FNBP1: variants seen among roughly 807,000 people sequenced by gnomAD.
The protein encoded by FNBP1 is formin-binding protein 1.
Under a neutral mutation model 90.6 loss-of-function variants are expected in FNBP1, and 26 were observed. The ratio of observed to expected loss-of-function variants is 0.29; its 90% CI spans 0.21 to 0.40. FNBP1 has a LOEUF of 0.40. FNBP1 is among the 10% of genes least tolerant of loss of function. FNBP1 has a pLI of 1.00. For synonymous variants in FNBP1, 260 were observed against 265.2 expected, an observed-to-expected ratio of 0.98 and a Z score of 0.19; for missense variants, 635 against 768.0, an observed-to-expected ratio of 0.83 and a Z score of 2.05.
chr9:129,962,501 G>A (rs1319889208), intron 4 of FNBP1, among the ~76,000 whole-genome samples: 1 of 152,216 alleles, frequency 6.6e-6, no homozygotes, highest in East Asian at 1.9e-4. Context: ...TACCTCGTCA[G>A]AACCTAGGAT....
At chr9:129,898,455 G>C (rs925305449) in intron 15 of FNBP1, among the ~76,000 whole-genome samples, 2 of 151,128 alleles carry the variant, frequency 1.3e-5, no homozygotes, top group Non-Finnish European at 2.9e-5. Context: ...TGTCCTCCCC[G>C]TTCCTCTGTA....
rs545349437 is a variant in FNBP1, at chr9:129,944,366, C to A, written c.513+12994G>T. 1.6e-4 allele frequency among the ~76,000 whole-genome samples: 24 copies of A among 151,968 alleles called. 1 individual carries two copies. The East Asian group carries it at 2.1e-3, about 14-fold the overall frequency. On this transcript the variant is annotated intron_variant, in intron 6 of 16. Coordinates refer to ENST00000446176, the MANE Select transcript of FNBP1 (RefSeq NM_015033.3). ...GACCATCCAGGCCAACCTGGAGAAACCCTGTCTCTACTAAAAATACAAAAA... is the reference window on the plus strand; with the variant it reads ...GACCATCCAGGCCAACCTGGAGAAAACCTGTCTCTACTAAAAATACAAAAA...
At chr9:129,999,346 A>C (rs954419855) in intron 1 of FNBP1, among the ~76,000 whole-genome samples, 1 of 152,110 alleles carries the variant, frequency 6.6e-6, no homozygotes, top group Non-Finnish European at 1.5e-5. Context: ...CTATAATCCC[A>C]GCATTTTGCG....
At chr9:130,048,273 G>A in the FNBP1 span, among the ~76,000 whole-genome samples, 6 of 119,206 alleles carry the variant, frequency 5.0e-5, no homozygotes, top group East Asian at 3.1e-4. Flanking sequence ...CCGCGATCGC[G>A]CCACTTCACT....
At chr9:130,019,792 T>G (rs972272239) in intron 1 of FNBP1, among the ~76,000 whole-genome samples, 2 of 152,214 alleles carry the variant, frequency 1.3e-5, no homozygotes, top group African/African-American at 4.8e-5. Context: ...GAGTCTCGCT[T>G]CATCACCCAG....
intron 15 of FNBP1, among the ~76,000 whole-genome samples, chr9:129,898,717 T>C (rs2036267196): frequency 6.6e-6 from 1 of 152,090 alleles, no homozygotes; most frequent in African/African-American, 2.4e-5. Flanking sequence ...CTCGATCTCC[T>C]GACCTCACGA....
chr9:129,966,052 C>A lies in FNBP1; in HGVS notation c.346-7499G>T, dbSNP rs893403735. Among the ~76,000 whole-genome samples the A allele has an allele frequency of 6.6e-6, 1 of 152,018 alleles. No individual in the cohort carries two copies. Among genetic ancestry groups the A allele is most frequent in the African/African-American group, 2.4e-5 (1 of 41,372 alleles). ...CTTGTGAACAGGGCTGCTCCAGGCA[C>A]GAGGAAAGCTGTGTAAACAAAACAA... On this transcript the variant is annotated intron_variant, in intron 4 of 16. Coordinates refer to ENST00000446176, the MANE Select transcript of FNBP1 (RefSeq NM_015033.3). This position sits in a 1 kb window ranked among gnomAD's most constrained non-coding sequence, Gnocchi z 4.3.
chr9:130,004,657 G>T (rs2055387455), intron 1 of FNBP1, among the ~76,000 whole-genome samples: 1 of 152,170 alleles, frequency 6.6e-6, no homozygotes, highest in Non-Finnish European at 1.5e-5. Flanking sequence ...GTGTCAGAGG[G>T]TATAGATTTA....
At chr9:130,051,038 T>C in the FNBP1 span, among the ~76,000 whole-genome samples, 1 of 151,918 alleles carries the variant, frequency 6.6e-6, no homozygotes, top group Non-Finnish European at 1.5e-5. Context: ...GTAGCTGGGA[T>C]TACAGGCATG....
intron 1 of FNBP1, among the ~76,000 whole-genome samples, chr9:130,032,992 T>C (rs2058938189): frequency 6.6e-6 from 1 of 152,206 alleles, no homozygotes; most frequent in Non-Finnish European, 1.5e-5. Context: ...TGTTAACATG[T>C]ACACCAAATT....
At chr9:130,038,899 C>G (rs2059586624) in intron 1 of FNBP1, among the ~76,000 whole-genome samples, 1 of 152,142 alleles carries the variant, frequency 6.6e-6, no homozygotes. Flanking sequence ...GCTTAATTTT[C>G]CAATGGATTT....
intron 1 of FNBP1, among the ~76,000 whole-genome samples, chr9:130,032,951 A>G (rs971846937): frequency 6.6e-6 from 1 of 152,202 alleles, no homozygotes; most frequent in Admixed American, 6.5e-5. Context: ...AACGATTTCC[A>G]GGCATTTTCC....
At chr9:129,980,968 A>G (rs551882832) in intron 2 of FNBP1, among the ~76,000 whole-genome samples, 7 of 150,796 alleles carry the variant, frequency 4.6e-5, no homozygotes, top group Non-Finnish European at 7.4e-5. Flanking sequence ...GGAGAATGGC[A>G]TGAATCCAGG....
intron 10 of FNBP1, 180 bp from the exon 11 acceptor site, chr9:129,916,160 A>T: frequency 1.7e-6 from 1 of 592,072 alleles, no homozygotes; most frequent in Non-Finnish European, 3.0e-6. Flanking sequence ...GCAAAAGTTC[A>T]CAAGAAGGGC....
At chr9:129,949,987 AAGG>A (rs1442786682) in intron 6 of FNBP1, among the ~76,000 whole-genome samples, 11 of 152,210 alleles carry the variant, frequency 7.2e-5, no homozygotes, top group Admixed American at 4.6e-4. Context: ...GCTAGAAAAA[AAGG>A]AGGATGCGCT....
chr9:129,980,321 T>C (rs913375833), intron 2 of FNBP1, among the ~76,000 whole-genome samples: 1 of 149,268 alleles, frequency 6.7e-6, no homozygotes, highest in Admixed American at 6.7e-5. Flanking sequence ...GATCGCACCA[T>C]TGCACTCCAG....
chr9:129,959,286 G>A (rs1161844714), intron 4 of FNBP1, among the ~76,000 whole-genome samples: 2 of 151,440 alleles, frequency 1.3e-5, no homozygotes, highest in African/African-American at 2.4e-5. Context: ...GACAGAATGA[G>A]ACCCCATCTC....
intron 1 of FNBP1, among the ~76,000 whole-genome samples, chr9:129,995,261 A>C (rs2053800795): frequency 6.6e-6 from 1 of 152,112 alleles, no homozygotes; most frequent in African/African-American, 2.4e-5. Context: ...GACGCCAAAA[A>C]CCGACAGGTG....
intron 2 of FNBP1, among the ~76,000 whole-genome samples, chr9:129,987,911 T>C (rs2052549030): frequency 6.6e-6 from 1 of 152,092 alleles, no homozygotes; most frequent in Non-Finnish European, 1.5e-5. Flanking sequence ...CGATATGCAA[T>C]TTGTTGTATA....
Sources: gnomAD v4.1 joint callset for allele counts (sites outside exome capture counted in the v4.1 genomes callset) on GRCh38, gnomAD v4.1.1 for gene constraint, Gnocchi (gnomAD v3.1) non-coding constraint, MANE v1.5 for transcripts, NCBI Gene and HGNC (gene_info 2026-07-23, HGNC 2026-07-21) for gene names.